The following FER1L5 variants were observed in gnomAD, a reference collection of about 807,000 sequenced individuals.
FER1L5 encodes the protein fer-1 like family member 5.
Under a neutral mutation model 279.9 loss-of-function variants are expected in FER1L5, and 187 were observed. That is an observed-to-expected ratio of 0.67 (90% CI 0.59 to 0.75). FER1L5 has a LOEUF of 0.75. Ranked by LOEUF, FER1L5 falls within the 30% of genes least tolerant of loss-of-function variation. The pLI is 0.00. For missense variants in FER1L5, 2,091 were observed against 2,594.4 expected, an observed-to-expected ratio of 0.81 and a Z score of 4.21; for synonymous variants, 921 against 989.7, an observed-to-expected ratio of 0.93 and a Z score of 1.30.
rs2077341253 is a variant in FER1L5, at chr2:96,695,573, G to C, written c.3806G>C (p.Gly1269Ala). 6.3e-7 allele frequency: 1 copy of C among 1,594,954 alleles called. No homozygotes were observed. The highest frequency in any genetic ancestry group is 8.5e-7 in the Non-Finnish European group (1 of 1,171,196). ...ASSPQLLVEF[G>A]EESLRTEPIR... Reference sequence around the variant, plus strand: ...TCCCCCCAGCTCCTGGTGGAATTCGGGGAAGAGTCCCTGAGGACAGAACCC... The same window carrying C: ...TCCCCCCAGCTCCTGGTGGAATTCGCGGAAGAGTCCCTGAGGACAGAACCC... The change falls in exon 35 of 53, where the codon GGG (glycine) becomes GCG (alanine). Residue 1269 changes from glycine to alanine, a missense_variant. Transcript: ENST00000624922.
chr2:96,647,241 C>T, intron 3 of FER1L5, 86 bp downstream of exon 3: 1 of 1,396,018 alleles, frequency 7.2e-7, no homozygotes, highest in African/African-American at 1.4e-5. Context: ...CCATAACTCA[C>T]TCAGATGAAG....
At chr2:96,682,348 T>TC (rs1303546268) in intron 19 of FER1L5, among the ~76,000 whole-genome samples, 3 of 152,240 alleles carry the variant, frequency 2.0e-5, no homozygotes, top group Non-Finnish European at 4.4e-5. Context: ...CGCCTTGGCC[T>TC]CCCAAAGTGC....
At position 96,669,143 on chromosome 2, in the gene FER1L5, C is replaced by T. The variant is rs1166098398; in HGVS notation, c.1362+6C>T. 2.4e-5 allele frequency: 37 copies of T among 1,550,934 alleles called. No individual in the cohort carries two copies. Among genetic ancestry groups the T allele is most frequent in the Admixed American group, 5.9e-5 (3 of 50,970 alleles). On this transcript the variant is annotated splice_donor_region_variant and intron_variant, in intron 17 of 52. Coordinates refer to ENST00000624922, the MANE Select transcript of FER1L5 (RefSeq NM_001293083.2). ...GGATCCAGGAAGAAGGCGCTGTAAG[C>T]TTCTCACATCAGCTCTAGGGTACAG...
At chr2:96,692,304 G>C (rs1336115189) in intron 31 of FER1L5, 123 bp downstream of exon 31, 1 of 1,030,660 alleles carries the variant, frequency 9.7e-7, no homozygotes, top group Non-Finnish European at 1.5e-6. Flanking sequence ...CTGCCTGTCG[G>C]CCCCTCACCA....
intron 1 of FER1L5, among the ~76,000 whole-genome samples, chr2:96,644,939 A>C (rs2075053270): frequency 6.6e-6 from 1 of 152,190 alleles, no homozygotes; most frequent in African/African-American, 2.4e-5. Flanking sequence ...CATCTTTCTC[A>C]TTCCAGAAAT....
chr2:96,701,084 G>A lies in FER1L5; in HGVS notation c.5070+613G>A, dbSNP rs540762083. 2.5e-3 allele frequency among the ~76,000 whole-genome samples: 381 copies of A among 152,284 alleles called. 2 individuals carry two copies. Among genetic ancestry groups the A allele is most frequent in the African/African-American group, 8.5e-3 (355 of 41,562 alleles). On this transcript the variant is annotated intron_variant, in intron 45 of 52. Transcript: ENST00000624922. ...ATCCCAGCCTGTGGGAGGCTGAGGC[G>A]GGCAGATCACTTGAGGCCAGGAGTT...
At chr2:96,659,447 T>C (rs1485929343) in intron 9 of FER1L5, among the ~76,000 whole-genome samples, 2 of 32,840 alleles carry the variant, frequency 6.1e-5, no homozygotes, top group African/African-American at 1.9e-4. Flanking sequence ...CTTTCTTTCT[T>C]TCTTTCTTTC....
chr2:96,673,101 G>C lies in FER1L5; in HGVS notation c.1516G>C (p.Gly506Arg). The C allele has an allele frequency of 6.4e-7, 1 of 1,551,536 alleles. No individual in the cohort carries two copies. Among genetic ancestry groups the C allele is most frequent in the Non-Finnish European group, 8.7e-7 (1 of 1,146,922 alleles). ...IEKHQNRQKY[G>R]LCVIFLSCTM... The stretch of plus-strand genomic sequence containing the variant: ...GAAGCACCAGAACCGCCAAAAGTAT[G>C]GGCTGTGCGTCATCTTCCTTTCCTG... Residue 506 changes from glycine to arginine, a missense_variant, in exon 19 of 53, where the codon GGG (glycine) becomes CGG (arginine). Coordinates refer to ENST00000624922, the MANE Select transcript of FER1L5 (RefSeq NM_001293083.2).
intron 9 of FER1L5, among the ~76,000 whole-genome samples, chr2:96,659,308 T>G (rs1322133268): frequency 6.8e-5 from 3 of 44,412 alleles, no homozygotes; most frequent in East Asian, 7.7e-4. Flanking sequence ...CTTCCTTCCT[T>G]CCTTCCTTCC....
At chr2:96,677,499 G>A (rs937366005) in intron 19 of FER1L5, among the ~76,000 whole-genome samples, 5 of 152,000 alleles carry the variant, frequency 3.3e-5, no homozygotes, top group South Asian at 4.2e-4. Context: ...GTATTCCATC[G>A]TATGGGTGTA....
At position 96,647,155 on chromosome 2, in the gene FER1L5, G is replaced by T; in HGVS notation, c.230G>T (p.Arg77Ile). ...LQDMGSQKKERFIGLATVLLK... is the reference protein window; with the variant it reads ...LQDMGSQKKEIFIGLATVLLK... ...GACATGGGCTCACAAAAGAAAGAAA[G>T]GTGAGGCAGAGAGAGGCAGGAGGAG... is the stretch of plus-strand genomic sequence containing the variant. Residue 77 changes from arginine (R) to isoleucine (I), a missense_variant and splice_region_variant, in exon 3 of 53, where the codon AGA becomes ATA. Arg to Ile is a moderately conservative substitution (Grantham distance 97). Coordinates refer to ENST00000624922, the MANE Select transcript of FER1L5 (RefSeq NM_001293083.2). 6.4e-7 allele frequency: 1 copy of T among 1,551,656 alleles called. No individual in the cohort carries two copies. The highest frequency in any genetic ancestry group is 1.2e-5 in the South Asian group (1 of 84,066).
In FER1L5 at chr2:96,694,701, A is replaced by C; in HGVS notation, c.3741+237A>C. 1 of 402,568 alleles carries C rather than the reference A, an allele frequency of 2.5e-6. No homozygotes were observed. The highest frequency in any genetic ancestry group is 4.4e-6 in the Non-Finnish European group (1 of 227,864). 24.9% of individuals were successfully genotyped at this position (402,568 alleles called of 1,614,324 possible). A position where few individuals can be genotyped will look rare whatever the true frequency, so the allele number is the denominator to read the frequency against. On this transcript the variant is annotated intron_variant, in intron 34 of 52. Coordinates refer to ENST00000624922, the MANE Select transcript of FER1L5 (RefSeq NM_001293083.2). This position sits in a 1 kb window ranked among gnomAD's most constrained non-coding sequence, Gnocchi z 4.6. ...TAGGCAAAGGGCTGTAGCATGCATGATCACTTGTGGGACTCACGCTGCCCC... is the reference window on the plus strand; with the variant it reads ...TAGGCAAAGGGCTGTAGCATGCATGCTCACTTGTGGGACTCACGCTGCCCC...
chr2:96,643,570 G>C (rs1278030311), intron 1 of FER1L5, among the ~76,000 whole-genome samples: 1 of 151,940 alleles, frequency 6.6e-6, no homozygotes, highest in Non-Finnish European at 1.5e-5. Context: ...GGCTGGTCTT[G>C]AACTCCTGAC....
chr2:96,678,646 T>C (rs570747590), intron 19 of FER1L5, among the ~76,000 whole-genome samples: 5 of 139,466 alleles, frequency 3.6e-5, no homozygotes, highest in Admixed American at 2.2e-4. Context: ...TTGTCCAGGC[T>C]GTTCTTGAAC....
At chr2:96,646,594 C>G (rs1324859758) in intron 2 of FER1L5, 141 bp downstream of exon 2, 4 of 855,158 alleles carry the variant, frequency 4.7e-6, no homozygotes, top group East Asian at 2.7e-5. Flanking sequence ...GCATCTTGGC[C>G]TGGGAGTAGC....
chr2:96,689,188 G>A lies in FER1L5; in HGVS notation c.2362-25G>A, dbSNP rs575458020. ...GCACTTTGTGCTAGAGGAGGCGGCCGCCCTGACAAGCTTCCCTCCCCTAGT... is the reference window on the plus strand; with the variant it reads ...GCACTTTGTGCTAGAGGAGGCGGCCACCCTGACAAGCTTCCCTCCCCTAGT... On this transcript the variant is annotated intron_variant, in intron 24 of 52. Coordinates refer to ENST00000624922, the MANE Select transcript of FER1L5 (RefSeq NM_001293083.2). This position sits in a 1 kb window ranked among gnomAD's most constrained non-coding sequence, Gnocchi z 4.6. The A allele has an allele frequency of 1.2e-5, 18 of 1,547,768 alleles. No individual in the cohort carries two copies. The highest frequency in any genetic ancestry group is 2.0e-5 in the Admixed American group (1 of 50,306).
At position 96,673,003 on chromosome 2, in the gene FER1L5, T is replaced by C. The variant is rs114903651; in HGVS notation, c.1492-74T>C. The C allele has an allele frequency of 4.9e-3, 7,302 of 1,484,978 alleles. 330 individuals carry two copies. The African/African-American group carries it at 0.094, about 19-fold the overall frequency. The allele number at this position is 1,484,978 out of a possible 1,614,324, so 92.0% of individuals were successfully genotyped here. A position where few individuals can be genotyped will look rare whatever the true frequency, so the allele number is the denominator to read the frequency against. ...GCTTTGAAAGAAAGATACCTCATCC[T>C]TGCCTCCCTGCCTGTCAATATAACC... On this transcript the variant is annotated intron_variant, in intron 18 of 52. Coordinates refer to ENST00000624922, the MANE Select transcript of FER1L5 (RefSeq NM_001293083.2).
chr2:96,683,570 G>A (rs944284936), intron 19 of FER1L5, among the ~76,000 whole-genome samples: 1 of 150,892 alleles, frequency 6.6e-6, no homozygotes, highest in East Asian at 1.9e-4. Context: ...GCCTTTCCGG[G>A]GGGGACACAG....
intron 17 of FER1L5, 94 bp from the exon 18 acceptor site, chr2:96,670,025 G>A: frequency 6.7e-7 from 1 of 1,502,038 alleles, no homozygotes; most frequent in South Asian, 1.2e-5. Flanking sequence ...GGCAGTGACT[G>A]GACAACCTTG....
Sources: gnomAD v4.1 joint callset for allele counts (sites outside exome capture counted in the v4.1 genomes callset) on GRCh38, gnomAD v4.1.1 for gene constraint, Gnocchi (gnomAD v3.1) non-coding constraint, MANE v1.5 for transcripts, NCBI Gene and HGNC (gene_info 2026-07-23, HGNC 2026-07-21) for gene names.